MAPK8: variants seen among roughly 807,000 people sequenced by gnomAD.
The protein encoded by MAPK8 is mitogen-activated protein kinase 8, also known as JUN N-terminal kinase.
MAPK8 carries 13 observed loss-of-function variants against 52.9 expected under a neutral mutation model. That is an observed-to-expected ratio of 0.25 (90% CI 0.16 to 0.39). MAPK8 has a LOEUF of 0.39. Among genes scored for constraint, MAPK8 ranks in the 10% least tolerant of loss-of-function variants. MAPK8 has a pLI of 1.00. For synonymous variants in MAPK8, 191 were observed against 169.8 expected (o/e 1.12, Z -0.97); for missense variants, 300 against 519.2 (o/e 0.58, Z 4.10).
rs745574142 is a variant in MAPK8, at chr10:48,426,003, A to G, written c.804A>G (p.Gly268=). The G allele has an allele frequency of 4.3e-6, 7 of 1,613,310 alleles. No individual in the cohort carries two copies. In the Admixed American group the frequency reaches 1.2e-4, roughly 27 times the overall value. The part of the protein sequence containing the change: ...TYVENRPKYA[G]YSFEKLFPDV... ...TTGAAAACAGACCTAAATATGCTGG[A>G]TATAGCTTTGAGAAACTCTTCCCTG... Residue 268 remains glycine (G), a synonymous_variant, in exon 8 of 12, where the codon GGA becomes GGG. Coordinates refer to ENST00000374189, the MANE Select transcript of MAPK8 (RefSeq NM_001323329.2).
chr10:48,374,227 TGGG>T (rs1179029350), intron 1 of MAPK8, among the ~76,000 whole-genome samples: 1 of 152,204 alleles, frequency 6.6e-6, no homozygotes, highest in Admixed American at 6.6e-5. Context: ...GGAGAATCTC[TGGG>T]ACACATTTTA....
At chr10:48,348,436 G>A (rs909994361) in intron 1 of MAPK8, among the ~76,000 whole-genome samples, 27 of 152,074 alleles carry the variant, frequency 1.8e-4, no homozygotes, top group Non-Finnish European at 1.6e-4. Flanking sequence ...CATTGCTTTT[G>A]GTGTTTTAGT....
At chr10:48,421,710 A>G (rs572449733) in intron 6 of MAPK8, among the ~76,000 whole-genome samples, 79 of 152,298 alleles carry the variant, frequency 5.2e-4, no homozygotes, top group African/African-American at 1.9e-3. Flanking sequence ...GAGGTGAGGC[A>G]TGAGAATCGC....
chr10:48,377,301 A>T (rs140144154), intron 1 of MAPK8, among the ~76,000 whole-genome samples: 1 of 152,100 alleles, frequency 6.6e-6, no homozygotes, highest in African/African-American at 2.4e-5. Context: ...TGGCACATGT[A>T]TACCTATGTA....
intron 6 of MAPK8, among the ~76,000 whole-genome samples, 180 bp downstream of exon 6, chr10:48,420,500 G>A (rs1183439540): frequency 2.0e-5 from 3 of 152,038 alleles, no homozygotes; most frequent in African/African-American, 7.2e-5. Context: ...GGAAAAACTT[G>A]GGGCCCTTAT....
At chr10:48,399,828 G>A (rs1381930755) in intron 1 of MAPK8, among the ~76,000 whole-genome samples, 1 of 152,188 alleles carries the variant, frequency 6.6e-6, no homozygotes, top group East Asian at 1.9e-4. Flanking sequence ...TCTGCAGGTA[G>A]TCTGAATGCT....
At chr10:48,431,169 C>G in intron 10 of MAPK8, 24 bp from the exon 11 acceptor site, 1 of 1,518,854 alleles carries the variant, frequency 6.6e-7, no homozygotes, top group Non-Finnish European at 9.1e-7. Flanking sequence ...TTGAAAAGTT[C>G]ATTTTTGTTT....
intron 1 of MAPK8, among the ~76,000 whole-genome samples, chr10:48,350,475 A>T (rs1434150741): frequency 6.6e-6 from 1 of 152,260 alleles, no homozygotes; most frequent in Non-Finnish European, 1.5e-5. Context: ...GATGCAAATC[A>T]ATAAACATAA....
intron 11 of MAPK8, among the ~76,000 whole-genome samples, chr10:48,432,879 C>T (rs1273451710): frequency 6.6e-6 from 1 of 152,138 alleles, no homozygotes; most frequent in Non-Finnish European, 1.5e-5. Context: ...CGAGTATTAG[C>T]AAATTAAGCT....
At chr10:48,357,316 A>G (rs1847074844) in intron 1 of MAPK8, among the ~76,000 whole-genome samples, 2 of 152,186 alleles carry the variant, frequency 1.3e-5, no homozygotes, top group Admixed American at 1.3e-4. Context: ...TAGTCTTGCA[A>G]ACACCAAATA....
chr10:48,391,458 G>A (rs900515322), intron 1 of MAPK8, among the ~76,000 whole-genome samples: 4 of 152,150 alleles, frequency 2.6e-5, no homozygotes, highest in Admixed American at 6.5e-5. Context: ...ATGATGGAGA[G>A]ATCAGTATAT....
At chr10:48,407,647 A>G (rs1009983893) in intron 3 of MAPK8, among the ~76,000 whole-genome samples, 1 of 152,180 alleles carries the variant, frequency 6.6e-6, no homozygotes, top group Non-Finnish European at 1.5e-5. Flanking sequence ...ACCCATTTGA[A>G]GTATACCATT....
intron 1 of MAPK8, among the ~76,000 whole-genome samples, chr10:48,373,779 A>T (rs1459749861): frequency 6.6e-6 from 1 of 151,910 alleles, no homozygotes; most frequent in Non-Finnish European, 1.5e-5. Flanking sequence ...CTAGAGGCAG[A>T]CTCCCACACA....
chr10:48,313,259 C>A (rs770509525), intron 1 of MAPK8, among the ~76,000 whole-genome samples: 2 of 152,062 alleles, frequency 1.3e-5, no homozygotes, highest in African/African-American at 4.8e-5. Context: ...ATAGTGATAC[C>A]CCGTCTATAC....
At position 48,439,169 on chromosome 10, in the gene MAPK8, C is replaced by T. The variant is rs528689182; in HGVS notation, c.*4140C>T. ...TCCTCTCCTTCCCTGTGTTCCGTTC[C>T]CTCTCCTTTCCTCTAGACAAAACAA... On this transcript the variant is annotated 3_prime_UTR_variant, in exon 12 of 12. Coordinates refer to ENST00000374189, the MANE Select transcript of MAPK8 (RefSeq NM_001323329.2). 6.6e-6 allele frequency: 1 copy of T among 151,754 alleles called. No homozygotes were observed. Among genetic ancestry groups the T allele is most frequent in the Non-Finnish European group, 1.5e-5 (1 of 67,982 alleles). 9.4% of individuals were successfully genotyped at this position (151,754 alleles called of 1,614,324 possible).
intron 1 of MAPK8, among the ~76,000 whole-genome samples, chr10:48,393,386 G>T (rs1384637151): frequency 2.0e-5 from 3 of 152,054 alleles, no homozygotes. Flanking sequence ...AAATTTGAAG[G>T]ACTCAAATTC....
intron 10 of MAPK8, among the ~76,000 whole-genome samples, chr10:48,427,566 A>G (rs932126522): frequency 2.0e-5 from 3 of 151,286 alleles, no homozygotes; most frequent in African/African-American, 7.3e-5. Context: ...ATCTCGGCTC[A>G]CTGCAAGCTC....
chr10:48,390,748 A>G (rs1018964647), intron 1 of MAPK8, among the ~76,000 whole-genome samples: 1 of 152,182 alleles, frequency 6.6e-6, no homozygotes, highest in African/African-American at 2.4e-5. Flanking sequence ...CCCCTTTACT[A>G]ATGAAGAGAA....
intron 1 of MAPK8, among the ~76,000 whole-genome samples, chr10:48,321,098 T>G (rs1842955359): frequency 6.7e-6 from 1 of 149,180 alleles, no homozygotes; most frequent in Admixed American, 6.6e-5. Context: ...AGTTTTTTTT[T>G]TTTTTTTTTT....
Sources: gnomAD v4.1 joint callset for allele counts (sites outside exome capture counted in the v4.1 genomes callset) on GRCh38, gnomAD v4.1.1 for gene constraint, MANE v1.5 for transcripts, NCBI Gene and HGNC (gene_info 2026-07-23, HGNC 2026-07-21) for gene names.